The following ELP6 variants were observed in gnomAD, a reference collection of about 807,000 sequenced individuals.
The protein encoded by ELP6 is elongator acetyltransferase complex subunit 6.
In ELP6, 23 loss-of-function variants were observed where a neutral mutation model predicts 28.1. That is an observed-to-expected ratio of 0.82 (90% CI 0.59 to 1.16). The LOEUF (loss-of-function observed/expected upper bound fraction) is 1.16, where lower values mean the gene tolerates loss of function less well. Among genes scored for constraint, ELP6 ranks in the 50% most tolerant of loss-of-function variants. The pLI is 0.00. For synonymous variants in ELP6, 132 were observed against 135.8 expected (o/e 0.97, Z 0.19); for missense variants, 313 against 334.6 (o/e 0.94, Z 0.50).
chr3:47,498,074 A>T, intron 6 of ELP6: 1 of 1,396,896 alleles, frequency 7.2e-7, no homozygotes, highest in Non-Finnish European at 9.4e-7. Flanking sequence ...TTGGTCACAA[A>T]TGGGACCCCC....
At chr3:47,500,968 G>A (rs147018575) in intron 5 of ELP6, among the ~76,000 whole-genome samples, 20 of 152,326 alleles carry the variant, frequency 1.3e-4, no homozygotes, top group African/African-American at 4.1e-4. Context: ...CACAGTGCTG[G>A]CATGTTACAA....
At chr3:47,502,937 C>T (rs1708712103) in intron 4 of ELP6, among the ~76,000 whole-genome samples, 1 of 152,186 alleles carries the variant, frequency 6.6e-6, no homozygotes, top group Admixed American at 6.6e-5. Context: ...CAGATTTGAC[C>T]TGTTTCTGAC....
At chr3:47,496,495 GT>G (rs113383330) in intron 6 of ELP6, 102,771 of 824,068 alleles carry the variant, frequency 0.12, no homozygotes, top group Non-Finnish European at 0.14. Flanking sequence ...GTATTTTTAT[GT>G]TTTTTTTTTT....
At position 47,509,046 on chromosome 3, in the gene ELP6, G is replaced by A. The variant is rs1232175972; in HGVS notation, c.204+1138C>T. On this transcript the variant is annotated intron_variant, in intron 3 of 6. Coordinates refer to ENST00000296149, the MANE Select transcript of ELP6 (RefSeq NM_001031703.3). ...CTCAAAGTGCTGGGATTACAGGTGT[G>A]AGCCACCGTGCCCAGCCTTTTTTTT... 5.3e-5 allele frequency among the ~76,000 whole-genome samples: 8 copies of A among 152,214 alleles called. 1 individual carries two copies. The South Asian group carries it at 6.2e-4, about 12-fold the overall frequency.
rs199850661 is a variant in ELP6 at position 47,504,455 on chromosome 3, A to G, written c.205-7T>C. 160 of 1,595,134 alleles carry G rather than the reference A, an allele frequency of 1.0e-4. No homozygotes were observed. In the Admixed American group the frequency reaches 2.4e-3, roughly 23 times the overall value. On this transcript the variant is annotated splice_region_variant and splice_polypyrimidine_tract_variant and intron_variant, in intron 3 of 6. Coordinates refer to ENST00000296149, the MANE Select transcript of ELP6 (RefSeq NM_001031703.3). ...CCATGGTCAGGCTGACACCCTAAAC[A>G]TGAAAAAGAGAGTGAGTTACTATGC... is the stretch of plus-strand genomic sequence containing the variant.
chr3:47,497,695 G>C (rs936752600), intron 6 of ELP6, among the ~76,000 whole-genome samples: 6 of 151,836 alleles, frequency 4.0e-5, no homozygotes, highest in African/African-American at 1.4e-4. Context: ...GAAGCAAAGG[G>C]GGGTGGGGGT....
Position 47,513,636 on chromosome 3 carries a change from G to A in ELP6, c.-46C>T. 6.2e-7 allele frequency: 1 copy of A among 1,610,774 alleles called. No homozygotes were observed. The highest frequency in any genetic ancestry group is 8.5e-7 in the Non-Finnish European group (1 of 1,178,018). On this transcript the variant is annotated 5_prime_UTR_variant, in exon 1 of 7. The change creates a premature stop within an existing upstream ORF in the 5' untranslated region. Coordinates refer to ENST00000296149, the MANE Select transcript of ELP6 (RefSeq NM_001031703.3). ...GCTCTGGAGGAGAACCCGGAGTGCT[G>A]CAGAGACGACGGAGGCTGGAGAGCA...
chr3:47,502,351 A>G (rs1482457189), intron 4 of ELP6: 6 of 927,210 alleles, frequency 6.5e-6, no homozygotes, highest in Non-Finnish European at 7.7e-6. Context: ...CGGAAGTTGC[A>G]GTGAGCCACG....
At chr3:47,504,818 A>G (rs1444850679) in intron 3 of ELP6, 4 of 188,850 alleles carry the variant, frequency 2.1e-5, no homozygotes, top group Non-Finnish European at 3.9e-5. Flanking sequence ...AAATTAGCCA[A>G]GTGTGGTAGT....
chr3:47,505,320 G>A (rs1013862716), intron 3 of ELP6, among the ~76,000 whole-genome samples: 4 of 152,042 alleles, frequency 2.6e-5, no homozygotes, highest in Admixed American at 2.6e-4. Flanking sequence ...AAAATGGGAT[G>A]CAGAAATTTA....
At chr3:47,499,429 G>A (rs1341133906) in intron 5 of ELP6, among the ~76,000 whole-genome samples, 3 of 150,740 alleles carry the variant, frequency 2.0e-5, no homozygotes, top group African/African-American at 7.3e-5. Context: ...TGTGGCAGGA[G>A]AATTGCTTGA....
intron 6 of ELP6, chr3:47,497,959 T>C (rs1708527285): frequency 9.1e-6 from 9 of 985,132 alleles, no homozygotes; most frequent in Non-Finnish European, 1.1e-5. Flanking sequence ...TTGACCTGAA[T>C]AGACGACGCC....
chr3:47,505,004 C>T (rs1034361722), intron 3 of ELP6, among the ~76,000 whole-genome samples: 8 of 152,074 alleles, frequency 5.3e-5, no homozygotes, highest in South Asian at 2.1e-4. Context: ...TGGTGGCTCA[C>T]GCCTATAATC....
Position 47,513,672 on chromosome 3 carries a change from G to T in ELP6, c.-82C>A, listed in dbSNP as rs892612598. On this transcript the variant is annotated 5_prime_UTR_variant, in exon 1 of 7. Transcript: ENST00000296149. Reference sequence around the variant, plus strand: ...GGAGGCTGGAGAGCAAAACACACCCGACAGCCCGGCTCGCGCAAGGAAGCG... The same window carrying T: ...GGAGGCTGGAGAGCAAAACACACCCTACAGCCCGGCTCGCGCAAGGAAGCG... 1.0e-5 allele frequency: 16 copies of T among 1,559,306 alleles called. No homozygotes were observed. Among genetic ancestry groups the T allele is most frequent in the Non-Finnish European group, 1.4e-5 (16 of 1,141,628 alleles).
At chr3:47,513,274 G>C (rs1397877737) in intron 1 of ELP6, 1 of 1,329,196 alleles carries the variant, frequency 7.5e-7, no homozygotes, top group African/African-American at 1.5e-5. Context: ...TTACAGGGGT[G>C]AGCCACCGCG....
In ELP6 at chr3:47,498,680, G is replaced by A. The variant is rs999763011; in HGVS notation, c.526-248C>T. The A allele has an allele frequency of 1.3e-5, 13 of 985,234 alleles. No homozygotes were observed. The Admixed American group carries it at 3.7e-4, about 28-fold the overall frequency. The allele number at this position is 985,234 out of a possible 1,614,324, so 61.0% of individuals were successfully genotyped here. A position where few individuals can be genotyped will look rare whatever the true frequency, so the allele number is the denominator to read the frequency against. ...TCAGCTCACTTCATCTAAACCAACA[G>A]TCTTCAAAATTAGCTCAATCTCCTG... On this transcript the variant is annotated intron_variant, in intron 5 of 6. Coordinates refer to ENST00000296149, the MANE Select transcript of ELP6 (RefSeq NM_001031703.3).
intron 1 of ELP6, 24 bp downstream of exon 1, chr3:47,513,513 C>G: frequency 6.2e-7 from 1 of 1,610,022 alleles, no homozygotes; most frequent in Non-Finnish European, 8.5e-7. Context: ...GTCCCGCCCC[C>G]TTCCGGCCAG....
intron 6 of ELP6, 108 bp downstream of exon 6, chr3:47,498,178 G>T: frequency 6.8e-7 from 1 of 1,475,802 alleles, no homozygotes; most frequent in Non-Finnish European, 9.2e-7. Flanking sequence ...CCTTCCACCT[G>T]AAGTCATGTC....
intron 1 of ELP6, chr3:47,512,497 GCCGAGAT>G (rs1459331895): frequency 1.8e-6 from 1 of 565,852 alleles, no homozygotes; most frequent in Admixed American, 6.3e-5. Context: ...GTTGCAGGGA[GCCGAGAT>G]CGCGCCAGTG....
Sources: gnomAD v4.1 joint callset for allele counts (sites outside exome capture counted in the v4.1 genomes callset) on GRCh38, gnomAD v4.1.1 for gene constraint, MANE v1.5 for transcripts, NCBI Gene and HGNC (gene_info 2026-07-23, HGNC 2026-07-21) for gene names.